The following FNIP1 variants were observed in gnomAD, a reference collection of about 807,000 sequenced individuals.
FNIP1 encodes the protein folliculin-interacting protein 1.
A neutral mutation model predicts 124.5 loss-of-function variants in FNIP1; 40 were observed. That is an observed-to-expected ratio of 0.32 (90% CI 0.25 to 0.42). FNIP1 has a LOEUF of 0.42. Among genes scored for constraint, FNIP1 ranks in the 10% least tolerant of loss-of-function variants. The probability of loss-of-function intolerance (pLI) is 1.00; values close to 1 mark genes in which losing one functional copy is unlikely to be tolerated. For missense variants in FNIP1, 1,176 were observed against 1,403.7 expected (o/e 0.84, Z 2.59); for synonymous variants, 472 against 470.6 (o/e 1.00, Z -0.04).
At chr5:131,657,894 A>G (rs1364386134) in intron 15 of FNIP1, among the ~76,000 whole-genome samples, 1 of 151,914 alleles carries the variant, frequency 6.6e-6, no homozygotes, top group Non-Finnish European at 1.5e-5. Context: ...CAAAAAAATT[A>G]GCCGGGTGTG....
chr5:131,753,535 G>T (rs1332433534), intron 1 of FNIP1, among the ~76,000 whole-genome samples: 6 of 152,166 alleles, frequency 3.9e-5, no homozygotes, highest in Non-Finnish European at 8.8e-5. Context: ...ATGTGTAGAA[G>T]AGGTAAAACT....
chr5:131,700,249 TG>T lies in FNIP1; in HGVS notation c.1117-1248del, dbSNP rs1345143937. On this transcript the variant is annotated intron_variant, in intron 10 of 17. Transcript: ENST00000510461. ...CGCCTGCCTCGGCCTCCCAAAATGC[TG>T]GGGTTATAGGCATGAGCCACCATGC... 3.9e-5 allele frequency among the ~76,000 whole-genome samples: 6 copies of T among 152,262 alleles called. No homozygotes were observed. In the South Asian group the frequency reaches 6.2e-4, roughly 16 times the overall value.
At chr5:131,714,975 T>C (rs1484022116) in intron 6 of FNIP1, among the ~76,000 whole-genome samples, 4 of 152,102 alleles carry the variant, frequency 2.6e-5, no homozygotes, top group African/African-American at 9.7e-5. Context: ...GATTGACTGA[T>C]TGATTGGAAA....
At chr5:131,662,038 C>G (rs1206360341) in intron 15 of FNIP1, among the ~76,000 whole-genome samples, 1 of 152,206 alleles carries the variant, frequency 6.6e-6, no homozygotes, top group African/African-American at 2.4e-5. Context: ...TGGGGATACT[C>G]TCTCTTGGTC....
chr5:131,693,675 G>A (rs926528314), intron 11 of FNIP1, among the ~76,000 whole-genome samples: 2 of 152,056 alleles, frequency 1.3e-5, no homozygotes, highest in Middle Eastern at 3.4e-3. Context: ...GTTAGGTGAT[G>A]AGTTTTTAGA....
intron 15 of FNIP1, among the ~76,000 whole-genome samples, chr5:131,664,391 T>C (rs1033462808): frequency 6.6e-6 from 1 of 152,090 alleles, no homozygotes; most frequent in African/African-American, 2.4e-5. Flanking sequence ...AACAAGATTT[T>C]TGGGAGGCCG....
intron 1 of FNIP1, among the ~76,000 whole-genome samples, chr5:131,784,438 T>C (rs1162977726): frequency 2.0e-5 from 3 of 152,146 alleles, no homozygotes; most frequent in Non-Finnish European, 4.4e-5. Context: ...GAAGGGTATG[T>C]ATGTGTGTGT....
At chr5:131,736,208 G>A (rs1770298391) in intron 2 of FNIP1, among the ~76,000 whole-genome samples, 1 of 151,980 alleles carries the variant, frequency 6.6e-6, no homozygotes. Flanking sequence ...GGCATCCTTC[G>A]CCACATCTTA....
At chr5:131,683,408 C>G (rs537137526) in intron 11 of FNIP1, among the ~76,000 whole-genome samples, 1 of 151,936 alleles carries the variant, frequency 6.6e-6, no homozygotes, top group South Asian at 2.1e-4. Context: ...AAAAAATTAG[C>G]CAGGCGTGGT....
At chr5:131,716,684 C>A (rs757824526) in intron 5 of FNIP1, 28 bp from the exon 6 acceptor site, 12 of 1,402,154 alleles carry the variant, frequency 8.6e-6, no homozygotes, top group Admixed American at 4.0e-5. Flanking sequence ...AAAATTAATT[C>A]CAAATTCATT....
intron 6 of FNIP1, among the ~76,000 whole-genome samples, chr5:131,711,241 A>G (rs1769282043): frequency 6.6e-6 from 1 of 152,230 alleles, no homozygotes. Flanking sequence ...GGAGTCAGCC[A>G]CTGTGGAAGG....
At chr5:131,715,087 T>G (rs6596034) in intron 6 of FNIP1, among the ~76,000 whole-genome samples, 16,051 of 152,222 alleles carry the variant, frequency 0.11, 2,002 homozygotes, top group African/African-American at 0.3. Flanking sequence ...GTCAGTAGTA[T>G]GTAAAATGGA....
Position 131,679,190 on chromosome 5 carries a change from A to G in FNIP1, c.1203-15T>C, listed in dbSNP as rs1767999745. 6.8e-7 allele frequency: 1 copy of G among 1,470,448 alleles called. No individual in the cohort carries two copies. The highest frequency in any genetic ancestry group is 9.5e-7 in the Non-Finnish European group (1 of 1,052,782). 91.1% of individuals were successfully genotyped at this position (1,470,448 alleles called of 1,614,324 possible). ...AAATTGTTGTTCTAAAAAGAGGAAG[A>G]CACATTATGAAATGTATAGTTCCAA... On this transcript the variant is annotated splice_polypyrimidine_tract_variant and intron_variant, in intron 11 of 17. Coordinates refer to ENST00000510461, the MANE Select transcript of FNIP1 (RefSeq NM_133372.3).
chr5:131,795,503 T>G (rs1167966455), intron 1 of FNIP1: 1 of 152,212 alleles, frequency 6.6e-6, no homozygotes, highest in Non-Finnish European at 1.5e-5. Context: ...GGAACCTGTT[T>G]CCTATTGTCG....
chr5:131,673,296 T>C (rs897072483), intron 13 of FNIP1, among the ~76,000 whole-genome samples: 1 of 151,682 alleles, frequency 6.6e-6, no homozygotes, highest in African/African-American at 2.4e-5. Context: ...GCTCAAGCAA[T>C]CCACTGGCCC....
At chr5:131,778,911 C>T (rs1305241558) in intron 1 of FNIP1, among the ~76,000 whole-genome samples, 1 of 119,758 alleles carries the variant, frequency 8.4e-6, no homozygotes, top group Non-Finnish European at 1.7e-5. Context: ...AAACCAAACA[C>T]CGCATATTCT....
At chr5:131,701,102 T>C (rs969993156) in intron 10 of FNIP1, among the ~76,000 whole-genome samples, 1 of 152,130 alleles carries the variant, frequency 6.6e-6, no homozygotes, top group African/African-American at 2.4e-5. Context: ...TCCTGTCACA[T>C]CAGTGGCAGC....
At chr5:131,722,601 A>G (rs982198031) in intron 3 of FNIP1, among the ~76,000 whole-genome samples, 30 of 152,200 alleles carry the variant, frequency 2.0e-4, no homozygotes, top group Non-Finnish European at 3.4e-4. Flanking sequence ...GGGTTAAGAT[A>G]ATCCACGTTT....
chr5:131,657,821 A>AC lies in FNIP1; in HGVS notation c.3109-5823dup, dbSNP rs1767252678. ...TTTGGGAGGCCGAGGCAGGCGGATC[A>AC]CAAGGTCAGGAGATTGAGACCATCG... On this transcript the variant is annotated intron_variant, in intron 15 of 17. Transcript: ENST00000510461. Among the ~76,000 whole-genome samples the AC allele has an allele frequency of 2.7e-5, 4 of 150,556 alleles. No individual in the cohort carries two copies. In the South Asian group the frequency reaches 8.4e-4, roughly 32 times the overall value.
Sources: gnomAD v4.1 joint callset for allele counts (sites outside exome capture counted in the v4.1 genomes callset) on GRCh38, gnomAD v4.1.1 for gene constraint, MANE v1.5 for transcripts, NCBI Gene and HGNC (gene_info 2026-07-23, HGNC 2026-07-21) for gene names.